Variants in PLXDC2 observed in about 807,000 individuals in gnomAD.
The protein encoded by PLXDC2 is plexin domain containing 2.
A neutral mutation model predicts 68.9 loss-of-function variants in PLXDC2; 40 were observed. The ratio of observed to expected loss-of-function variants is 0.58; its 90% CI spans 0.45 to 0.76. The LOEUF is 0.76. Among genes scored for constraint, PLXDC2 ranks in the 30% least tolerant of loss-of-function variants. The pLI is 0.00. For missense variants in PLXDC2, 644 were observed against 661.9 expected (o/e 0.97, Z 0.30); for synonymous variants, 243 against 234.2 (o/e 1.04, Z -0.34).
At chr10:19,905,670 T>A (rs1171956144) in intron 1 of PLXDC2, among the ~76,000 whole-genome samples, 1 of 152,200 alleles carries the variant, frequency 6.6e-6, no homozygotes, top group Non-Finnish European at 1.5e-5. Flanking sequence ...GCACTCCCAA[T>A]TATATTATGA....
In PLXDC2 at chr10:19,961,691, ACAT is replaced by A. The variant is rs1337177651; in HGVS notation, c.113-40083_113-40081del. On this transcript the variant is annotated intron_variant, in intron 1 of 13. Coordinates refer to ENST00000377252, the MANE Select transcript of PLXDC2 (RefSeq NM_032812.9). ...CATCAGCCATTGATGACTGGGTGGT[ACAT>A]TGCACAAAGGTCTTGGAAAAATGTT... 3.3e-5 allele frequency among the ~76,000 whole-genome samples: 5 copies of A among 152,212 alleles called. No homozygotes were observed. In the East Asian group the frequency reaches 5.8e-4, roughly 18 times the overall value.
chr10:19,917,658 G>A (rs1466872425), intron 1 of PLXDC2, among the ~76,000 whole-genome samples: 1 of 152,126 alleles, frequency 6.6e-6, no homozygotes, highest in Non-Finnish European at 1.5e-5. Flanking sequence ...TCTCACATTA[G>A]TAAGAAAGGG....
chr10:19,993,292 T>C (rs1263196127), intron 1 of PLXDC2, among the ~76,000 whole-genome samples: 1 of 147,414 alleles, frequency 6.8e-6, no homozygotes, highest in South Asian at 2.1e-4. Flanking sequence ...ATACTTTATA[T>C]TTTCCATAGG....
At chr10:20,039,634 C>T (rs770137035) in intron 2 of PLXDC2, among the ~76,000 whole-genome samples, 2 of 151,828 alleles carry the variant, frequency 1.3e-5, no homozygotes, top group African/African-American at 4.8e-5. Flanking sequence ...TATATGTTGG[C>T]GGTTTGATTA....
chr10:20,101,459 A>G (rs1365630717), intron 4 of PLXDC2, among the ~76,000 whole-genome samples: 1 of 152,192 alleles, frequency 6.6e-6, no homozygotes, highest in Non-Finnish European at 1.5e-5. Flanking sequence ...TGTGCACTTC[A>G]TATCTCAAAT....
intron 9 of PLXDC2, among the ~76,000 whole-genome samples, chr10:20,189,299 C>T (rs1834728249): frequency 6.7e-6 from 1 of 150,186 alleles, no homozygotes; most frequent in African/African-American, 2.4e-5. Context: ...GTACTAATAA[C>T]AGGGCTTCCC....
At chr10:20,225,651 A>T (rs1030037714) in intron 12 of PLXDC2, among the ~76,000 whole-genome samples, 1 of 152,206 alleles carries the variant, frequency 6.6e-6, no homozygotes, top group Non-Finnish European at 1.5e-5. Flanking sequence ...CCAAACTTTT[A>T]TCTAGAGCTG....
chr10:20,081,578 G>A (rs147932726), intron 4 of PLXDC2, among the ~76,000 whole-genome samples: 1 of 152,270 alleles, frequency 6.6e-6, no homozygotes, highest in African/African-American at 2.4e-5. Context: ...ACTGACAGAT[G>A]TCAAACTAGG....
rs1205590385 is a variant in PLXDC2, at chr10:20,287,201, C to G, written c.*7382C>G. The G allele has an allele frequency of 6.6e-6, 1 of 152,182 alleles. No individual in the cohort carries two copies. Among genetic ancestry groups the G allele is most frequent in the African/African-American group, 2.4e-5 (1 of 41,430 alleles). The allele number at this position is 152,182 out of a possible 1,614,324, so 9.4% of individuals were successfully genotyped here. A position where few individuals can be genotyped will look rare whatever the true frequency, so the allele number is the denominator to read the frequency against. On this transcript the variant is annotated 3_prime_UTR_variant, in exon 14 of 14. Transcript: ENST00000377252. ...TTAGTCTAAAATGCAGCCATCACCCCCCATACCTCTTCTATGGCATTCATC... is the reference window on the plus strand; with the variant it reads ...TTAGTCTAAAATGCAGCCATCACCCGCCATACCTCTTCTATGGCATTCATC...
rs549943834 is a variant in PLXDC2, at chr10:19,816,634, G to T, written c.-446G>T. 2 of 195,272 alleles carry T rather than the reference G, an allele frequency of 1.0e-5. No individual in the cohort carries two copies. Among genetic ancestry groups the T allele is most frequent in the South Asian group, 2.1e-4 (2 of 9,702 alleles). 12.1% of individuals were successfully genotyped at this position (195,272 alleles called of 1,614,324 possible). ...GACAGAGGAAAGTTCCTGCAGAGCC[G>T]ACCAGCCCTAGTGGATCTGGGGCAG... On this transcript the variant is annotated 5_prime_UTR_variant, in exon 1 of 14. Transcript: ENST00000377252.
chr10:19,910,599 T>C (rs533967577), intron 1 of PLXDC2, among the ~76,000 whole-genome samples: 1 of 148,340 alleles, frequency 6.7e-6, no homozygotes, highest in Non-Finnish European at 1.5e-5. Context: ...TGCTTTTTTT[T>C]TTTTTTTTTT....
chr10:20,129,311 T>G (rs1306264617), intron 4 of PLXDC2, among the ~76,000 whole-genome samples: 1 of 152,128 alleles, frequency 6.6e-6, no homozygotes, highest in Non-Finnish European at 1.5e-5. Context: ...ATTTGTCCAT[T>G]GTTTAATTGG....
chr10:20,237,805 TC>T (rs1208011165), intron 12 of PLXDC2, among the ~76,000 whole-genome samples: 1 of 152,204 alleles, frequency 6.6e-6, no homozygotes, highest in Non-Finnish European at 1.5e-5. Context: ...CATCAGCCTC[TC>T]AGTTCCCCAA....
chr10:19,853,771 T>G (rs16919431), intron 1 of PLXDC2, among the ~76,000 whole-genome samples: 40,912 of 152,052 alleles, frequency 0.27, 5,653 homozygotes, highest in East Asian at 0.46. Context: ...GGTGCTTGGT[T>G]CCACAGGTTG....
At chr10:19,945,558 G>A (rs1353996599) in intron 1 of PLXDC2, among the ~76,000 whole-genome samples, 1 of 152,140 alleles carries the variant, frequency 6.6e-6, no homozygotes, top group African/African-American at 2.4e-5. Flanking sequence ...CAGCCCAGAT[G>A]GAATGGAGGA....
At chr10:19,934,443 A>T (rs995947257) in intron 1 of PLXDC2, among the ~76,000 whole-genome samples, 1 of 152,216 alleles carries the variant, frequency 6.6e-6, no homozygotes, top group Admixed American at 6.5e-5. Context: ...AACAAGAGAG[A>T]TGCCACCTTC....
chr10:20,006,139 A>G (rs1013213327), intron 2 of PLXDC2, among the ~76,000 whole-genome samples: 1 of 151,884 alleles, frequency 6.6e-6, no homozygotes, highest in East Asian at 1.9e-4. Flanking sequence ...AGATTCCACC[A>G]CTGTACTCCA....
At chr10:20,012,099 A>G (rs12783940) in intron 2 of PLXDC2, among the ~76,000 whole-genome samples, 9,978 of 152,206 alleles carry the variant, frequency 0.066, 395 homozygotes, top group Middle Eastern at 0.13. Flanking sequence ...TTAGGTAGAC[A>G]CATCGATAGG....
intron 1 of PLXDC2, among the ~76,000 whole-genome samples, chr10:19,889,618 C>G (rs2131358481): frequency 6.6e-6 from 1 of 152,260 alleles, no homozygotes; most frequent in African/African-American, 2.4e-5. Flanking sequence ...TGTGGCCTTT[C>G]CAACATGTCT....
Sources: gnomAD v4.1 joint callset for allele counts (sites outside exome capture counted in the v4.1 genomes callset) on GRCh38, gnomAD v4.1.1 for gene constraint, MANE v1.5 for transcripts, NCBI Gene and HGNC (gene_info 2026-07-23, HGNC 2026-07-21) for gene names.